ERAP2: variants seen among roughly 807,000 people sequenced by gnomAD.
ERAP2 encodes the protein leukocyte-derived arginine aminopeptidase.
ERAP2 carries 118 observed loss-of-function variants against 111.1 expected under a neutral mutation model. The observed-to-expected ratio is 1.06, with a 90% CI of 0.92 to 1.24. The LOEUF is 1.24. ERAP2 is among the 50% of genes most tolerant of loss of function. The pLI, the probability that ERAP2 is intolerant of heterozygous loss-of-function variation, is 0.00. For missense variants in ERAP2, 1,131 were observed against 1,125.8 expected, an observed-to-expected ratio of 1.00 and a Z score of -0.07; for synonymous variants, 410 against 401.2, an observed-to-expected ratio of 1.02 and a Z score of -0.26.
intron 6 of ERAP2, among the ~76,000 whole-genome samples, chr5:96,892,980 T>C (rs1784527676): frequency 1.3e-5 from 2 of 152,094 alleles, no homozygotes; most frequent in African/African-American, 4.8e-5. Flanking sequence ...AAGTTAATAA[T>C]AGTTCTGTTT....
chr5:96,912,188 C>CAAAAAAAAAA (rs1266993157), intron 15 of ERAP2, among the ~76,000 whole-genome samples: 2 of 84,234 alleles, frequency 2.4e-5, no homozygotes, highest in Non-Finnish European at 2.4e-5. Context: ...GACTCCACCT[C>CAAAAAAAAAA]AAAAAAAAAA....
chr5:96,901,188 G>T (rs2617440), intron 10 of ERAP2, among the ~76,000 whole-genome samples: 153 of 147,236 alleles, frequency 1.0e-3, no homozygotes, highest in Admixed American at 1.9e-3. Context: ...TTGTTTGTTT[G>T]ATTTTGTTTG....
At chr5:96,892,685 T>C (rs978628401) in intron 6 of ERAP2, among the ~76,000 whole-genome samples, 2 of 152,126 alleles carry the variant, frequency 1.3e-5, no homozygotes, top group African/African-American at 4.8e-5. Flanking sequence ...CTAAAACCTT[T>C]CAAAGCAAAG....
intron 17 of ERAP2, among the ~76,000 whole-genome samples, chr5:96,914,202 T>C (rs7725059): frequency 1.7e-4 from 26 of 151,156 alleles, no homozygotes; most frequent in African/African-American, 5.9e-4. Context: ...CAGCCATTCC[T>C]CATCCAAATC....
At position 96,903,571 on chromosome 5, in the gene ERAP2, AT is replaced by A; in HGVS notation, c.2012+14del. 6.3e-7 allele frequency: 1 copy of A among 1,584,642 alleles called. No homozygotes were observed. The highest frequency in any genetic ancestry group is 1.2e-5 in the South Asian group (1 of 86,250). ...GTTTCAGCTAGTTGGGTAAGGCAACATTTCCTCTGACTTCATGCAAAATAAC... is the reference window on the plus strand; with the variant it reads ...GTTTCAGCTAGTTGGGTAAGGCAACATTCCTCTGACTTCATGCAAAATAAC... On this transcript the variant is annotated intron_variant, in intron 13 of 18. Transcript: ENST00000437043.
intron 5 of ERAP2, chr5:96,889,531 G>C: frequency 1.4e-6 from 1 of 696,658 alleles, no homozygotes; most frequent in Non-Finnish European, 2.6e-6. Context: ...CAGGTTTAAC[G>C]TTAACATATC....
intron 2 of ERAP2, chr5:96,881,559 T>C (rs1783135148): frequency 6.6e-6 from 3 of 451,186 alleles, no homozygotes; most frequent in African/African-American, 2.0e-5. Flanking sequence ...CTAAATTCCA[T>C]GGCTTAACCA....
intron 5 of ERAP2, among the ~76,000 whole-genome samples, chr5:96,891,351 G>T (rs1180404424): frequency 8.5e-6 from 1 of 116,994 alleles, no homozygotes; most frequent in East Asian, 2.5e-4. Flanking sequence ...ATATGTATAT[G>T]TGTGTGTATA....
At chr5:96,888,028 G>C (rs1487221216) in intron 4 of ERAP2, among the ~76,000 whole-genome samples, 2 of 151,980 alleles carry the variant, frequency 1.3e-5, no homozygotes, top group Non-Finnish European at 2.9e-5. Flanking sequence ...GGGAGGCTGA[G>C]GCAGGAGAAT....
chr5:96,912,198 AAAAAAAG>A (rs1274586580), intron 15 of ERAP2, among the ~76,000 whole-genome samples: 17 of 150,138 alleles, frequency 1.1e-4, no homozygotes, highest in Non-Finnish European at 3.0e-5. Flanking sequence ...CAAAAAAAAA[AAAAAAAG>A]AAAAGAAAAG....
intron 15 of ERAP2, among the ~76,000 whole-genome samples, chr5:96,912,022 T>C (rs1338670234): frequency 2.0e-5 from 3 of 149,180 alleles, no homozygotes; most frequent in Non-Finnish European, 4.5e-5. Flanking sequence ...ACCCCGTCTC[T>C]ACTAAAAATA....
intron 18 of ERAP2, among the ~76,000 whole-genome samples, chr5:96,916,153 G>A (rs946733745): frequency 2.0e-5 from 3 of 151,960 alleles, no homozygotes; most frequent in Non-Finnish European, 4.4e-5. Flanking sequence ...CCCAGGAGGC[G>A]GAGGTTGCAG....
chr5:96,908,961 T>C lies in ERAP2; in HGVS notation c.2013T>C (p.Gly671=). 1 of 1,613,852 alleles carries C rather than the reference T, an allele frequency of 6.2e-7. No individual in the cohort carries two copies. Among genetic ancestry groups the C allele is most frequent in the South Asian group, 1.1e-5 (1 of 91,016 alleles). ...CACTGACATTTGTTTTATACTTCAGTGCAGGGAGACTGACCCTAGACAAAG... is the reference window on the plus strand; with the variant it reads ...CACTGACATTTGTTTTATACTTCAGCGCAGGGAGACTGACCCTAGACAAAG... The part of the protein sequence containing the change: ...GLIHDVFQLV[G]AGRLTLDKAL... Residue 671 remains glycine (G), a splice_region_variant and synonymous_variant, in exon 14 of 19, where the codon GGT becomes GGC. Coordinates refer to ENST00000437043, the MANE Select transcript of ERAP2 (RefSeq NM_022350.5).
At chr5:96,897,251 CTCTTA>C (rs1384233330) in intron 9 of ERAP2, among the ~76,000 whole-genome samples, 1 of 152,232 alleles carries the variant, frequency 6.6e-6, no homozygotes, top group Non-Finnish European at 1.5e-5. Flanking sequence ...CTAATCTTCT[CTCTTA>C]TAAGAAGAAA....
Position 96,903,483 on chromosome 5 carries a change from A to G in ERAP2, c.1935A>G (p.Thr645=), listed in dbSNP as rs1785705198. The change falls in exon 13 of 19, where the codon ACA becomes ACG. Residue 645 remains threonine, a synonymous_variant. Coordinates refer to ENST00000437043, the MANE Select transcript of ERAP2 (RefSeq NM_022350.5). ...GTCATGGATGGGACCAACTCATTAC[A>G]CAGCTGAATCAGAACCACACACTTC... ...YEGHGWDQLI[T]QLNQNHTLLR... 1.2e-6 allele frequency: 2 copies of G among 1,613,934 alleles called. No individual in the cohort carries two copies. Among genetic ancestry groups the G allele is most frequent in the Non-Finnish European group, 8.5e-7 (1 of 1,179,958 alleles).
chr5:96,899,585 T>C (rs777851057), intron 9 of ERAP2, among the ~76,000 whole-genome samples: 9 of 152,230 alleles, frequency 5.9e-5, no homozygotes, highest in Non-Finnish European at 8.8e-5. Flanking sequence ...AGTTGGTACT[T>C]TTCTTAATTC....
At chr5:96,909,226 C>T (rs1171772004) in intron 14 of ERAP2, 109 bp downstream of exon 14, 9 of 1,033,230 alleles carry the variant, frequency 8.7e-6, no homozygotes, top group Non-Finnish European at 1.2e-5. Flanking sequence ...TGGAGCAGCT[C>T]GGGGGACTGA....
chr5:96,889,429 AT>A (rs1382962373), intron 5 of ERAP2, 124 bp downstream of exon 5: 1 of 1,103,426 alleles, frequency 9.1e-7, no homozygotes, highest in African/African-American at 1.5e-5. Context: ...TCAGGAAAAA[AT>A]AATTTGTTCC....
chr5:96,909,000 TTACTACC>T lies in ERAP2; in HGVS notation c.2054_2060del (p.Tyr685SerfsTer14). 4 of 1,614,206 alleles carry T rather than the reference TTACTACC, an allele frequency of 2.5e-6. No individual in the cohort carries two copies. The highest frequency in any genetic ancestry group is 3.4e-6 in the Non-Finnish European group (4 of 1,180,020). ...CCCTAGACAAAGCTCTTGACATGAC[TTACTACC>T]TCCAACATGAAACAAGCAGCCCCGC... On this transcript the variant is annotated frameshift_variant, in exon 14 of 19. Coordinates refer to ENST00000437043, the MANE Select transcript of ERAP2 (RefSeq NM_022350.5). LOFTEE classifies it high-confidence loss of function.
Sources: gnomAD v4.1 joint callset for allele counts (sites outside exome capture counted in the v4.1 genomes callset) on GRCh38, gnomAD v4.1.1 for gene constraint, MANE v1.5 for transcripts, NCBI Gene and HGNC (gene_info 2026-07-23, HGNC 2026-07-21) for gene names.